TMEM163: variants seen among roughly 807,000 people sequenced by gnomAD.
TMEM163 encodes transmembrane protein 163.
A neutral mutation model predicts 29.3 loss-of-function variants in TMEM163; 17 were observed. The observed-to-expected ratio is 0.58, with a 90% CI of 0.40 to 0.87. The LOEUF (loss-of-function observed/expected upper bound fraction) is 0.87, where lower values mean the gene tolerates loss of function less well. Among genes scored for constraint, TMEM163 ranks in the 40% least tolerant of loss-of-function variants. TMEM163 has a pLI of 0.00. For synonymous variants in TMEM163, 157 were observed against 160.6 expected, an observed-to-expected ratio of 0.98 and a Z score of 0.17; for missense variants, 303 against 381.5, an observed-to-expected ratio of 0.79 and a Z score of 1.71.
intron 6 of TMEM163, among the ~76,000 whole-genome samples, 183 bp downstream of exon 6, chr2:134,465,931 G>T (rs1686660678): frequency 6.6e-6 from 1 of 152,196 alleles, no homozygotes; most frequent in African/African-American, 2.4e-5. Context: ...CAGGGCACAG[G>T]ATATCTGCCC....
At position 134,515,075 on chromosome 2, in the gene TMEM163, A is replaced by G. The variant is rs569405287; in HGVS notation, c.459-12078T>C. On this transcript the variant is annotated intron_variant, in intron 4 of 7. Transcript: ENST00000281924. ...TCTTGAAAGGGACGCATCTTATGGC[A>G]GTGGCAGCAAAAGGCTGTCTCAGCA... Among the ~76,000 whole-genome samples, 18 of 152,364 alleles carry G rather than the reference A, an allele frequency of 1.2e-4. No homozygotes were observed. The East Asian group carries it at 3.3e-3, about 28-fold the overall frequency.
chr2:134,625,689 A>G (rs1471408326), intron 2 of TMEM163, among the ~76,000 whole-genome samples: 1 of 152,236 alleles, frequency 6.6e-6, no homozygotes, highest in Non-Finnish European at 1.5e-5. Context: ...AAGATACAGC[A>G]TTGCCTATGT....
intron 6 of TMEM163, among the ~76,000 whole-genome samples, chr2:134,461,097 C>A (rs73958745): frequency 0.022 from 3,286 of 152,330 alleles, 119 homozygotes; most frequent in African/African-American, 0.075. Context: ...TGCCGTCACT[C>A]CCCTCTGCAG....
chr2:134,642,376 C>T (rs892833619), intron 2 of TMEM163, among the ~76,000 whole-genome samples: 15 of 152,164 alleles, frequency 9.9e-5, no homozygotes, highest in Non-Finnish European at 1.5e-4. Flanking sequence ...GTGATCCACC[C>T]GCCTTGACCT....
At chr2:134,615,072 C>T (rs1682580451) in intron 2 of TMEM163, among the ~76,000 whole-genome samples, 1 of 151,980 alleles carries the variant, frequency 6.6e-6, no homozygotes, top group Non-Finnish European at 1.5e-5. Context: ...CACAGACACA[C>T]AAGTGAGTGC....
chr2:134,594,688 TCTA>T (rs1269737126), intron 2 of TMEM163, among the ~76,000 whole-genome samples: 1 of 152,226 alleles, frequency 6.6e-6, no homozygotes, highest in Non-Finnish European at 1.5e-5. Context: ...TCCATTTCGA[TCTA>T]CTGCTTTAGA....
chr2:134,459,465 C>T (rs1686481096), intron 6 of TMEM163, among the ~76,000 whole-genome samples: 1 of 152,128 alleles, frequency 6.6e-6, no homozygotes, highest in Non-Finnish European at 1.5e-5. Context: ...TGCGATGTTC[C>T]TCCCTCCCTC....
At chr2:134,601,865 T>C (rs1303306746) in intron 2 of TMEM163, among the ~76,000 whole-genome samples, 1 of 152,148 alleles carries the variant, frequency 6.6e-6, no homozygotes, top group African/African-American at 2.4e-5. Flanking sequence ...GTTACAGTAT[T>C]AAACAGAGTA....
chr2:134,549,638 C>A (rs752983295), intron 4 of TMEM163, among the ~76,000 whole-genome samples: 1 of 152,134 alleles, frequency 6.6e-6, no homozygotes, highest in African/African-American at 2.4e-5. Flanking sequence ...GCCACCACAC[C>A]CAGCCTCAAG....
chr2:134,695,554 C>A (rs894537316), intron 2 of TMEM163, among the ~76,000 whole-genome samples: 8 of 152,022 alleles, frequency 5.3e-5, no homozygotes, highest in African/African-American at 1.9e-4. Flanking sequence ...ACTAGAAAGA[C>A]ATGAAACTAC....
At chr2:134,525,070 C>T (rs1337335565) in intron 4 of TMEM163, among the ~76,000 whole-genome samples, 3 of 152,168 alleles carry the variant, frequency 2.0e-5, no homozygotes, top group Admixed American at 6.5e-5. Flanking sequence ...TTCTGATTGG[C>T]GTCAGGTGGT....
intron 4 of TMEM163, among the ~76,000 whole-genome samples, chr2:134,533,562 G>T (rs1182835335): frequency 6.6e-6 from 1 of 152,244 alleles, no homozygotes; most frequent in East Asian, 1.9e-4. Flanking sequence ...AAATCAATGA[G>T]ACGAATGAAA....
chr2:134,532,409 T>C (rs892348454), intron 4 of TMEM163, among the ~76,000 whole-genome samples: 41 of 152,354 alleles, frequency 2.7e-4, no homozygotes, highest in Admixed American at 2.4e-3. Context: ...TAACAACAGA[T>C]GCGGAAAAAT....
At chr2:134,587,333 AC>A (rs1681845051) in intron 2 of TMEM163, among the ~76,000 whole-genome samples, 1 of 152,104 alleles carries the variant, frequency 6.6e-6, no homozygotes, top group Admixed American at 6.5e-5. Context: ...AATTGCTTGA[AC>A]CTAGGAGGCA....
At chr2:134,626,382 GGTGTGAGCCACCAT>G (rs1479937204) in intron 2 of TMEM163, among the ~76,000 whole-genome samples, 1 of 152,080 alleles carries the variant, frequency 6.6e-6, no homozygotes, top group East Asian at 1.9e-4. Flanking sequence ...TGGGATTACA[GGTGTGAGCCACCAT>G]GCCCAGCCTC....
At chr2:134,668,831 G>A (rs1348882778) in intron 2 of TMEM163, among the ~76,000 whole-genome samples, 1 of 152,022 alleles carries the variant, frequency 6.6e-6, no homozygotes, top group South Asian at 2.1e-4. Flanking sequence ...TATATTTGCA[G>A]GCAAGATGGG....
intron 6 of TMEM163, among the ~76,000 whole-genome samples, chr2:134,462,132 C>T (rs1202949193): frequency 3.4e-5 from 5 of 148,626 alleles, no homozygotes; most frequent in East Asian, 3.9e-4. Flanking sequence ...GGAACAGGCT[C>T]GGGGGCGGGG....
At chr2:134,610,369 C>A (rs1682476071) in intron 2 of TMEM163, among the ~76,000 whole-genome samples, 1 of 152,212 alleles carries the variant, frequency 6.6e-6, no homozygotes, top group Non-Finnish European at 1.5e-5. Flanking sequence ...CCCTGGAACT[C>A]AGCAGTTTGC....
chr2:134,666,630 G>T (rs1313256022), intron 2 of TMEM163, among the ~76,000 whole-genome samples: 1 of 152,214 alleles, frequency 6.6e-6, no homozygotes, highest in East Asian at 1.9e-4. Context: ...CTTTGAGGCT[G>T]CACCATCCAG....
Sources: gnomAD v4.1 joint callset for allele counts (sites outside exome capture counted in the v4.1 genomes callset) on GRCh38, gnomAD v4.1.1 for gene constraint, MANE v1.5 for transcripts, NCBI Gene and HGNC (gene_info 2026-07-23, HGNC 2026-07-21) for gene names.